TNPO2: variants seen among roughly 807,000 people sequenced by gnomAD.
The protein encoded by TNPO2 is transportin-2.
In TNPO2, 16 loss-of-function variants were observed where a neutral mutation model predicts 111.1. That is an observed-to-expected ratio of 0.14 (90% CI 0.10 to 0.22). TNPO2 has a LOEUF of 0.22. Among genes scored for constraint, TNPO2 ranks in the 10% least tolerant of loss-of-function variants. TNPO2 has a pLI of 1.00. For synonymous variants in TNPO2, 481 were observed against 475.8 expected (o/e 1.01, Z -0.14); for missense variants, 530 against 1,173.7 (o/e 0.45, Z 8.01).
intron 18 of TNPO2, among the ~76,000 whole-genome samples, chr19:12,704,577 G>A (rs746608627): frequency 1.2e-4 from 19 of 152,194 alleles, no homozygotes; most frequent in Admixed American, 2.6e-4. Context: ...TTTCCTCTGA[G>A]TATTTTCAAT....
Position 12,714,838 on chromosome 19 carries a change from C to T in TNPO2, c.873G>A (p.Leu291=). 1 of 1,613,786 alleles carries T rather than the reference C, an allele frequency of 6.2e-7. No homozygotes were observed. Residue 291 remains leucine (L), a synonymous_variant, in exon 10 of 26, where the codon CTG becomes CTA. Transcript: ENST00000425528. ...LAEQPICKEV[L]ASHLVQLIPI... is the part of the protein sequence containing the mutation. ...GCACTCACTGGACCAGATGGGAGGC[C>T]AGGACTTCCTTGCAGATGGGCTGCT...
At position 12,723,867 on chromosome 19, in the gene TNPO2, C is replaced by T. The variant is rs1460244491; in HGVS notation, c.-229G>A. ...GTGTCGGCAGGCGCCTAACTCCACT[C>T]GGAGAATCGCGGAAGACACCCTAAA... On this transcript the variant is annotated 5_prime_UTR_variant, in exon 1 of 26. Transcript: ENST00000425528. The T allele has an allele frequency of 6.6e-6, 1 of 152,206 alleles. No homozygotes were observed. Among genetic ancestry groups the T allele is most frequent in the South Asian group, 2.1e-4 (1 of 4,828 alleles). 9.4% of individuals were successfully genotyped at this position (152,206 alleles called of 1,614,324 possible).
Position 12,701,614 on chromosome 19 carries a change from C to T in TNPO2, c.2570G>A (p.Arg857Gln), listed in dbSNP as rs1568330542. 5.6e-6 allele frequency: 9 copies of T among 1,613,640 alleles called. No homozygotes were observed. Among genetic ancestry groups the T allele is most frequent in the Admixed American group, 3.3e-5 (2 of 59,988 alleles). ...GAGCCTCACCTTATAAAACATGTCC[C>T]GAAGGTCATCCTTCGGGCTCACCCA... is the stretch of plus-strand genomic sequence containing the variant. ...ASWVSPKDDLRDMFYKILHGF... is the reference protein window; with the variant it reads ...ASWVSPKDDLQDMFYKILHGF... The change falls in exon 24 of 26, where the codon CGG becomes CAG. Residue 857 changes from arginine (R) to glutamine (Q), a missense_variant. Physicochemically the swap from Arg to Gln is conservative, Grantham distance 43. Transcript: ENST00000425528. This position sits in a 1 kb window ranked among gnomAD's most constrained non-coding sequence, Gnocchi z 5.0.
At chr19:12,709,674 G>A (rs1481942338) in intron 13 of TNPO2, among the ~76,000 whole-genome samples, 2 of 146,694 alleles carry the variant, frequency 1.4e-5, no homozygotes, top group Non-Finnish European at 3.0e-5. Context: ...GTAGATATGA[G>A]GTCTCACTAT....
At chr19:12,717,719 C>T (rs566953075) in intron 5 of TNPO2, among the ~76,000 whole-genome samples, 105 of 152,202 alleles carry the variant, frequency 6.9e-4, no homozygotes, top group African/African-American at 2.3e-3. Context: ...GTCTGTTGCC[C>T]AGGATAGAGT....
chr19:12,701,807 G>A lies in TNPO2; in HGVS notation c.2456C>T (p.Ser819Leu). 6.2e-7 allele frequency: 1 copy of A among 1,613,878 alleles called. No homozygotes were observed. Among genetic ancestry groups the A allele is most frequent in the Non-Finnish European group, 8.5e-7 (1 of 1,179,878 alleles). ...CATCATGCAGATGCCGCGGAAGGCTGAGTCCTTCTCCTCGTTGTCCCTGAT... is the reference window on the plus strand; with the variant it reads ...CATCATGCAGATGCCGCGGAAGGCTAAGTCCTTCTCCTCGTTGTCCCTGAT... ...RNIRDNEEKD[S>L]AFRGICMMIG... The change falls in exon 23 of 26, where the codon TCA (serine) becomes TTA (leucine). Residue 819 changes from serine to leucine, a missense_variant. Around this residue, in one of 4 missense-constraint regions of TNPO2, gnomAD observed 103 missense variants for 156.7 expected, o/e 0.66. Coordinates refer to ENST00000425528, the MANE Select transcript of TNPO2 (RefSeq NM_001382241.1). The surrounding 1 kb of genome is among the most constrained non-coding windows in gnomAD (Gnocchi z 5.0).
Position 12,702,055 on chromosome 19 carries a change from G to C in TNPO2, c.2411+17C>G, listed in dbSNP as rs776275544. 8.1e-6 allele frequency: 13 copies of C among 1,611,140 alleles called. No homozygotes were observed. Among genetic ancestry groups the C allele is most frequent in the African/African-American group, 2.7e-5 (2 of 74,990 alleles). Reference sequence around the variant, plus strand: ...GTCCCGCCCACCACACAGCAGGCTTGACACGTGGACACACACCAAGGCCGG... The same window carrying C: ...GTCCCGCCCACCACACAGCAGGCTTCACACGTGGACACACACCAAGGCCGG... On this transcript the variant is annotated intron_variant, in intron 22 of 25. Transcript: ENST00000425528. The surrounding 1 kb of genome is among the most constrained non-coding windows in gnomAD (Gnocchi z 5.5).
At position 12,701,233 on chromosome 19, in the gene TNPO2, C is replaced by T. The variant is rs1488981246; in HGVS notation, c.*31G>A. The stretch of plus-strand genomic sequence containing the variant: ...CCCAGTAATCCCTCCGACGACGACG[C>T]AGACAGAAACCTGCAGGGGGAGGAG... On this transcript the variant is annotated 3_prime_UTR_variant, in exon 26 of 26. Transcript: ENST00000425528. The surrounding 1 kb of genome is among the most constrained non-coding windows in gnomAD (Gnocchi z 5.0). 3 of 840,848 alleles carry T rather than the reference C, an allele frequency of 3.6e-6. No individual in the cohort carries two copies. Among genetic ancestry groups the T allele is most frequent in the Non-Finnish European group, 5.6e-6 (3 of 534,364 alleles). 52.1% of individuals were successfully genotyped at this position (840,848 alleles called of 1,614,324 possible).
intron 10 of TNPO2, among the ~76,000 whole-genome samples, chr19:12,713,164 G>A (rs891978713): frequency 1.4e-4 from 21 of 152,202 alleles, no homozygotes; most frequent in Admixed American, 1.0e-3. Context: ...GCAGGGACAT[G>A]CGGTCCTATT....
chr19:12,701,298 G>A lies in TNPO2; in HGVS notation c.*20+28C>T. 1.3e-6 allele frequency: 2 copies of A among 1,500,016 alleles called. No individual in the cohort carries two copies. Among genetic ancestry groups the A allele is most frequent in the Non-Finnish European group, 1.9e-6 (2 of 1,080,406 alleles). The allele number at this position is 1,500,016 out of a possible 1,614,324, so 92.9% of individuals were successfully genotyped here. A position where few individuals can be genotyped will look rare whatever the true frequency, so the allele number is the denominator to read the frequency against. ...GGGACCTTTCGGCCCCCAAGACAGT[G>A]CTGACTTGCCAGCTGCAGTCTCCTT... On this transcript the variant is annotated intron_variant, in intron 25 of 25. Coordinates refer to ENST00000425528, the MANE Select transcript of TNPO2 (RefSeq NM_001382241.1). This position sits in a 1 kb window ranked among gnomAD's most constrained non-coding sequence, Gnocchi z 5.0.
intron 5 of TNPO2, among the ~76,000 whole-genome samples, chr19:12,717,614 T>C (rs1035431805): frequency 3.3e-5 from 5 of 152,196 alleles, no homozygotes; most frequent in African/African-American, 7.2e-5. Context: ...GCCTGGCACA[T>C]AGAATGAGCT....
chr19:12,703,000 C>T lies in TNPO2; in HGVS notation c.2210-82G>A, dbSNP rs563761440. The T allele has an allele frequency of 2.1e-5, 26 of 1,241,688 alleles. No individual in the cohort carries two copies. The highest frequency in any genetic ancestry group is 3.9e-5 in the Admixed American group (2 of 51,894). 76.9% of individuals were successfully genotyped at this position (1,241,688 alleles called of 1,614,324 possible). A position where few individuals can be genotyped will look rare whatever the true frequency, so the allele number is the denominator to read the frequency against. Reference sequence around the variant, plus strand: ...GGGCCGCCCCACCTCACTCACTACTCGCCCCAGTTCCAACTAGAGACTGGC... The same window carrying T: ...GGGCCGCCCCACCTCACTCACTACTTGCCCCAGTTCCAACTAGAGACTGGC... On this transcript the variant is annotated intron_variant, in intron 20 of 25. Coordinates refer to ENST00000425528, the MANE Select transcript of TNPO2 (RefSeq NM_001382241.1). The surrounding 1 kb of genome is among the most constrained non-coding windows in gnomAD (Gnocchi z 5.5).
chr19:12,721,027 T>G lies in TNPO2; in HGVS notation c.-13-37A>C. The stretch of plus-strand genomic sequence containing the variant: ...GGGGCCGGGGTCAGCGCTGGGTCTC[T>G]GGGGCTCCGTGTGAGACCCAGGTGG... On this transcript the variant is annotated intron_variant, in intron 2 of 25. Coordinates refer to ENST00000425528, the MANE Select transcript of TNPO2 (RefSeq NM_001382241.1). This position sits in a 1 kb window ranked among gnomAD's most constrained non-coding sequence, Gnocchi z 4.9. 6.5e-7 allele frequency: 1 copy of G among 1,538,498 alleles called. No homozygotes were observed.
chr19:12,706,818 G>T lies in TNPO2; in HGVS notation c.1271-23C>A, dbSNP rs772960033. ...AGCCTACAAGGAAAGGGAACCAAGA[G>T]GGGGCAGTTTGATTGGGCCCAGCCA... is the stretch of plus-strand genomic sequence containing the variant. On this transcript the variant is annotated intron_variant, in intron 13 of 25. Transcript: ENST00000425528. The surrounding 1 kb of genome is among the most constrained non-coding windows in gnomAD (Gnocchi z 7.0). The T allele has an allele frequency of 5.1e-6, 8 of 1,577,484 alleles. No individual in the cohort carries two copies. The highest frequency in any genetic ancestry group is 6.9e-6 in the Non-Finnish European group (8 of 1,162,050).
rs1014247431 is a variant in TNPO2, at chr19:12,715,281, C to T, written c.610G>A (p.Ala204Thr). 4.3e-5 allele frequency: 70 copies of T among 1,613,374 alleles called. No individual in the cohort carries two copies. The highest frequency in any genetic ancestry group is 5.8e-5 in the Non-Finnish European group (68 of 1,179,738). The change falls in exon 8 of 26, where the codon GCC becomes ACC. Residue 204 changes from alanine (A) to threonine (T), a missense_variant. Physicochemically the swap from Ala to Thr is moderately conservative, Grantham distance 58. Around this residue, in one of 4 missense-constraint regions of TNPO2, gnomAD observed 156 missense variants for 405.8 expected, o/e 0.38. Transcript: ENST00000425528. The surrounding 1 kb of genome is among the most constrained non-coding windows in gnomAD (Gnocchi z 7.1). ...ACVNQFIMDR[A>T]QALMDNIDTF... ...TCAATATTGTCCATCAGCGCCTGGG[C>T]CCGGTCCATGATGAACTGGTTCACG...
intron 20 of TNPO2, 81 bp downstream of exon 20, chr19:12,703,346 CT>C: frequency 7.7e-7 from 1 of 1,291,794 alleles, no homozygotes; most frequent in Non-Finnish European, 1.1e-6. Flanking sequence ...TTGAAGGAAG[CT>C]GTCAGTCAGA....
Position 12,702,981 on chromosome 19 carries a change from C to T in TNPO2, c.2210-63G>A. 1 of 1,445,798 alleles carries T rather than the reference C, an allele frequency of 6.9e-7. No homozygotes were observed. The highest frequency in any genetic ancestry group is 9.7e-7 in the Non-Finnish European group (1 of 1,034,754). 89.6% of individuals were successfully genotyped at this position (1,445,798 alleles called of 1,614,324 possible). On this transcript the variant is annotated intron_variant, in intron 20 of 25. Coordinates refer to ENST00000425528, the MANE Select transcript of TNPO2 (RefSeq NM_001382241.1). This position sits in a 1 kb window ranked among gnomAD's most constrained non-coding sequence, Gnocchi z 5.5. ...GCCACCCACAGGGGCCAGGGGGCCG[C>T]CCCACCTCACTCACTACTCGCCCCA...
chr19:12,704,149 T>C (rs566351675), intron 18 of TNPO2, among the ~76,000 whole-genome samples: 1 of 152,192 alleles, frequency 6.6e-6, no homozygotes, highest in East Asian at 1.9e-4. Context: ...GGCAGATCAC[T>C]TGAGGTCAGG....
chr19:12,707,379 C>T (rs1324759171), intron 13 of TNPO2, among the ~76,000 whole-genome samples: 1 of 151,652 alleles, frequency 6.6e-6, no homozygotes, highest in Non-Finnish European at 1.5e-5. Flanking sequence ...TCAAAATTGG[C>T]TCCGTTACAT....
Sources: allele counts gnomAD v4.1 joint callset (sites outside exome capture counted in the v4.1 genomes callset), GRCh38; gene constraint gnomAD v4.1.1; regional missense constraint gnomAD v4.1.1; non-coding constraint Gnocchi (gnomAD v3.1); transcripts MANE v1.5; gene names NCBI Gene and HGNC (gene_info 2026-07-23, HGNC 2026-07-21).